The following ZCCHC8 variants were observed in gnomAD, a reference collection of about 807,000 sequenced individuals.
ZCCHC8 encodes the protein zinc finger CCHC-type containing 8.
In ZCCHC8, 27 loss-of-function variants were observed where a neutral mutation model predicts 70.6. The observed-to-expected ratio is 0.38, with a 90% CI of 0.28 to 0.53. ZCCHC8 has a LOEUF of 0.53. ZCCHC8 is among the 20% of genes least tolerant of loss of function. ZCCHC8 has a pLI of 0.81. For synonymous variants in ZCCHC8, 293 were observed against 317.4 expected, an observed-to-expected ratio of 0.92 and a Z score of 0.82; for missense variants, 737 against 876.9, an observed-to-expected ratio of 0.84 and a Z score of 2.01.
In ZCCHC8 at chr12:122,500,541, C is replaced by T. The variant is rs1409210521; in HGVS notation, c.199+101G>A. On this transcript the variant is annotated intron_variant, in intron 1 of 13. Transcript: ENST00000633063. The surrounding 1 kb of genome is among the most constrained non-coding windows in gnomAD (Gnocchi z 4.8). ...GGAATTCTGGCCCTCCTGGAACTTCCGCCCGCGCCCTCGCCCTCGCCCGGC... is the reference window on the plus strand; with the variant it reads ...GGAATTCTGGCCCTCCTGGAACTTCTGCCCGCGCCCTCGCCCTCGCCCGGC... 2 of 1,367,588 alleles carry T rather than the reference C, an allele frequency of 1.5e-6. No individual in the cohort carries two copies. Among genetic ancestry groups the T allele is most frequent in the African/African-American group, 1.5e-5 (1 of 68,002 alleles). The allele number at this position is 1,367,588 out of a possible 1,614,324, so 84.7% of individuals were successfully genotyped here.
At position 122,473,110 on chromosome 12, in the gene ZCCHC8, A is replaced by G; in HGVS notation, c.*387T>C. ...AGTTGAAACATGAATTTAAAATGGT[A>G]GAATTTTTTCTTTTAAAAAGTGATA... is the stretch of plus-strand genomic sequence containing the variant. On this transcript the variant is annotated 3_prime_UTR_variant, in exon 14 of 14. Coordinates refer to ENST00000633063, the MANE Select transcript of ZCCHC8 (RefSeq NM_017612.5). 1 of 161,336 alleles carries G rather than the reference A, an allele frequency of 6.2e-6. No individual in the cohort carries two copies. Among genetic ancestry groups the G allele is most frequent in the Non-Finnish European group, 1.3e-5 (1 of 74,074 alleles). 10.0% of individuals were successfully genotyped at this position (161,336 alleles called of 1,614,324 possible).
chr12:122,490,157 T>C (rs1300991360), intron 4 of ZCCHC8, among the ~76,000 whole-genome samples: 5 of 152,222 alleles, frequency 3.3e-5, no homozygotes, highest in East Asian at 1.9e-4. Flanking sequence ...CACAAGCCTG[T>C]TGGTTTTAGA....
intron 9 of ZCCHC8, 37 bp from the exon 10 acceptor site, chr12:122,481,701 T>C (rs764928051): frequency 6.3e-7 from 1 of 1,599,750 alleles, no homozygotes; most frequent in East Asian, 2.2e-5. Context: ...AATACTGAAT[T>C]CTTATTTGCA....
chr12:122,485,672 CTTT>C, intron 5 of ZCCHC8, among the ~76,000 whole-genome samples: 1 of 143,388 alleles, frequency 7.0e-6, no homozygotes, highest in South Asian at 2.2e-4. Flanking sequence ...TGACGACATC[CTTT>C]TTTTTTTTTT....
rs569277846 is a variant in ZCCHC8, at chr12:122,488,780, A to G, written c.501+606T>C. Among the ~76,000 whole-genome samples the G allele has an allele frequency of 5.3e-5, 8 of 151,448 alleles. No individual in the cohort carries two copies. The East Asian group carries it at 1.2e-3, about 22-fold the overall frequency. On this transcript the variant is annotated intron_variant, in intron 5 of 13. Coordinates refer to ENST00000633063, the MANE Select transcript of ZCCHC8 (RefSeq NM_017612.5). ...CAGCTACTCGGGAAGCTGAGGCAGGAGAATTGCTTGAACCCGGGAGGCGGA... is the reference window on the plus strand; with the variant it reads ...CAGCTACTCGGGAAGCTGAGGCAGGGGAATTGCTTGAACCCGGGAGGCGGA...
At chr12:122,496,631 G>A (rs993874898) in intron 2 of ZCCHC8, among the ~76,000 whole-genome samples, 10 of 152,026 alleles carry the variant, frequency 6.6e-5, no homozygotes, top group Admixed American at 2.0e-4. Context: ...CCATGTAGCT[G>A]AGACCAGAGG....
chr12:122,492,249 G>A (rs1957760067), intron 3 of ZCCHC8: 1 of 169,126 alleles, frequency 5.9e-6, no homozygotes, highest in East Asian at 1.9e-4. Flanking sequence ...CAAAAGTCTA[G>A]TTTTGCTGTT....
At chr12:122,485,710 GC>G (rs1448065482) in intron 5 of ZCCHC8, among the ~76,000 whole-genome samples, 1 of 147,812 alleles carries the variant, frequency 6.8e-6, no homozygotes, top group Non-Finnish European at 1.5e-5. Flanking sequence ...TCGCTCTGTC[GC>G]CCAGGCTGGA....
chr12:122,498,622 G>A (rs1472989773), intron 2 of ZCCHC8, among the ~76,000 whole-genome samples: 2 of 152,068 alleles, frequency 1.3e-5, no homozygotes, highest in African/African-American at 4.8e-5. Context: ...TCCAATAAAT[G>A]AGCTTACAAT....
intron 11 of ZCCHC8, chr12:122,478,610 G>A: frequency 4.0e-6 from 1 of 248,172 alleles, no homozygotes; most frequent in Non-Finnish European, 7.8e-6. Flanking sequence ...CTCCCATCAA[G>A]CACTGGCACT....
In ZCCHC8 at chr12:122,477,899, C is replaced by T. The variant is rs539081932; in HGVS notation, c.1287G>A (p.Lys429=). 8 of 1,613,598 alleles carry T rather than the reference C, an allele frequency of 5.0e-6. No individual in the cohort carries two copies. The Admixed American group carries it at 1.2e-4, about 24-fold the overall frequency. Residue 429 remains lysine (K), a synonymous_variant, in exon 13 of 14, where the codon AAG becomes AAA. Transcript: ENST00000633063. ...SSSHSSPGSP[K]KQKNESNSAG... ...CTGAGTTGCTTTCATTCTTCTGCTT[C>T]TTTGGACTACCTGGGCTAGAGTGAG... is the stretch of plus-strand genomic sequence containing the variant.
intron 2 of ZCCHC8, among the ~76,000 whole-genome samples, chr12:122,496,573 T>C (rs1957828882): frequency 6.6e-6 from 1 of 152,174 alleles, no homozygotes; most frequent in Non-Finnish European, 1.5e-5. Flanking sequence ...TAGTTATATT[T>C]AATATATTGA....
At position 122,473,487 on chromosome 12, in the gene ZCCHC8, A is replaced by T. The variant is rs751585666; in HGVS notation, c.*10T>A. 1.2e-6 allele frequency: 2 copies of T among 1,611,566 alleles called. No homozygotes were observed. Among genetic ancestry groups the T allele is most frequent in the Non-Finnish European group, 1.7e-6 (2 of 1,178,626 alleles). On this transcript the variant is annotated 3_prime_UTR_variant, in exon 14 of 14. Coordinates refer to ENST00000633063, the MANE Select transcript of ZCCHC8 (RefSeq NM_017612.5). ...AGTTATTAAATAGCTCTCAGTGCTAAGTCAAGCCATTATTCAGAGGCCTTT... is the reference window on the plus strand; with the variant it reads ...AGTTATTAAATAGCTCTCAGTGCTATGTCAAGCCATTATTCAGAGGCCTTT...
intron 2 of ZCCHC8, among the ~76,000 whole-genome samples, chr12:122,495,634 G>A (rs1405426071): frequency 6.6e-6 from 1 of 152,022 alleles, no homozygotes; most frequent in Admixed American, 6.6e-5. Flanking sequence ...TGGATCATGA[G>A]GTCAGGAGTT....
chr12:122,500,775 C>G lies in ZCCHC8; in HGVS notation c.66G>C (p.Ser22=), dbSNP rs1414972170. Residue 22 remains serine, a synonymous_variant, in exon 1 of 14, where the codon TCG becomes TCC. Transcript: ENST00000633063. This position sits in a 1 kb window ranked among gnomAD's most constrained non-coding sequence, Gnocchi z 4.8. ...LFEPFDHPEE[S]IPKPVHTRFK... ...AGCGAGTGTGAACGGGCTTCGGAATCGACTCCTCTGGGTGGTCGAACGGCT... is the reference window on the plus strand; with the variant it reads ...AGCGAGTGTGAACGGGCTTCGGAATGGACTCCTCTGGGTGGTCGAACGGCT... The G allele has an allele frequency of 6.3e-7, 1 of 1,590,818 alleles. No individual in the cohort carries two copies. The highest frequency in any genetic ancestry group is 8.6e-7 in the Non-Finnish European group (1 of 1,169,060).
chr12:122,490,561 A>G lies in ZCCHC8; in HGVS notation c.324T>C (p.Tyr108=). The G allele has an allele frequency of 6.2e-7, 1 of 1,603,060 alleles. No homozygotes were observed. Residue 108 remains tyrosine (Y), a synonymous_variant, in exon 4 of 14, where the codon TAT becomes TAC. Transcript: ENST00000633063. ...LFMNNAISKQ[Y]HQEIEEFVSN... is the part of the protein sequence containing the mutation. ...ATACAAATTCCTCTATTTCTTGATG[A>G]TATTGCCTGTGTAAGAGGACAAAAT...
chr12:122,485,704 T>A (rs1321991681), intron 5 of ZCCHC8, among the ~76,000 whole-genome samples: 3 of 150,438 alleles, frequency 2.0e-5, no homozygotes, highest in African/African-American at 7.3e-5. Context: ...GGAGTCTCGC[T>A]CTGTCGCCCA....
chr12:122,493,521 A>T (rs1957780943), intron 2 of ZCCHC8, among the ~76,000 whole-genome samples: 1 of 151,900 alleles, frequency 6.6e-6, no homozygotes, highest in Non-Finnish European at 1.5e-5. Flanking sequence ...TCCCAGGTTC[A>T]AGCAATTCTC....
intron 2 of ZCCHC8, among the ~76,000 whole-genome samples, chr12:122,498,425 G>C (rs1014255094): frequency 6.6e-6 from 1 of 151,702 alleles, no homozygotes; most frequent in Non-Finnish European, 1.5e-5. Context: ...CACTGCCCCT[G>C]GCCCATTATA....
Sources: allele counts gnomAD v4.1 joint callset (sites outside exome capture counted in the v4.1 genomes callset), GRCh38; gene constraint gnomAD v4.1.1; non-coding constraint Gnocchi (gnomAD v3.1); transcripts MANE v1.5; gene names NCBI Gene and HGNC (gene_info 2026-07-23, HGNC 2026-07-21).